PRDM5: variants seen among roughly 807,000 people sequenced by gnomAD.
PRDM5 encodes the protein PR/SET domain 5, also known as PR domain zinc finger protein 5.
A neutral mutation model predicts 81.2 loss-of-function variants in PRDM5; 56 were observed. The observed-to-expected ratio is 0.69, with a 90% confidence interval of 0.56 to 0.86. PRDM5 has a LOEUF of 0.86. PRDM5 is among the 40% of genes least tolerant of loss of function. The probability of loss-of-function intolerance (pLI) is 0.00; values close to 1 mark genes in which losing one functional copy is unlikely to be tolerated. For missense variants in PRDM5, 697 were observed against 770.1 expected (o/e 0.91, Z 1.12); for synonymous variants, 267 against 256.4 (o/e 1.04, Z -0.39).
intron 13 of PRDM5, among the ~76,000 whole-genome samples, chr4:120,758,665 C>G (rs1388827317): frequency 6.6e-6 from 1 of 152,138 alleles, no homozygotes. Context: ...CTTACAGCCT[C>G]CAGAACTGAG....
intron 10 of PRDM5, among the ~76,000 whole-genome samples, chr4:120,796,804 G>A (rs1511307): frequency 0.2 from 30,266 of 152,052 alleles, 3,664 homozygotes; most frequent in Non-Finnish European, 0.28. Flanking sequence ...GAGATAAAAT[G>A]AAGTCTTTGG....
chr4:120,901,866 C>T (rs777157222), intron 2 of PRDM5, among the ~76,000 whole-genome samples: 11 of 152,182 alleles, frequency 7.2e-5, no homozygotes, highest in Non-Finnish European at 1.3e-4. Context: ...CCACTTGCAT[C>T]AGATCACACC....
Position 120,694,844 on chromosome 4 carries a change from C to T in PRDM5, c.*267G>A, listed in dbSNP as rs1734336697. ...GGATGGCCAAGAAAGAGAGCCATGACTCCTTTCTCCATTTTTATAAGACAG... is the reference window on the plus strand; with the variant it reads ...GGATGGCCAAGAAAGAGAGCCATGATTCCTTTCTCCATTTTTATAAGACAG... On this transcript the variant is annotated 3_prime_UTR_variant, in exon 16 of 16. Coordinates refer to ENST00000264808, the MANE Select transcript of PRDM5 (RefSeq NM_018699.4). 2.3e-6 allele frequency: 1 copy of T among 427,162 alleles called. No individual in the cohort carries two copies. Among genetic ancestry groups the T allele is most frequent in the South Asian group, 2.4e-5 (1 of 41,594 alleles). The allele number at this position is 427,162 out of a possible 1,614,324, so 26.5% of individuals were successfully genotyped here.
intron 3 of PRDM5, among the ~76,000 whole-genome samples, chr4:120,830,767 G>A (rs1477429920): frequency 2.6e-5 from 4 of 151,980 alleles, no homozygotes; most frequent in African/African-American, 7.3e-5. Context: ...TGGTTTGCTA[G>A]TCATAGCTTA....
intron 1 of PRDM5, among the ~76,000 whole-genome samples, chr4:120,908,168 A>T (rs1766048639): frequency 6.6e-6 from 1 of 152,230 alleles, no homozygotes. Context: ...TCTTTGTTAA[A>T]ATCAGAATCT....
intron 7 of PRDM5, 36 bp from the exon 8 acceptor site, chr4:120,811,485 G>A: frequency 7.4e-7 from 1 of 1,347,318 alleles, no homozygotes; most frequent in South Asian, 1.2e-5. Flanking sequence ...TGATTTAAAT[G>A]AGACTATTAA....
At chr4:120,811,301 C>T in intron 8 of PRDM5, 69 bp downstream of exon 8, 1 of 1,027,024 alleles carries the variant, frequency 9.7e-7, no homozygotes, top group East Asian at 2.7e-5. Context: ...AACTTTTATA[C>T]TTACTATAAA....
At chr4:120,811,285 C>A in intron 8 of PRDM5, 85 bp downstream of exon 8, 1 of 838,704 alleles carries the variant, frequency 1.2e-6, no homozygotes, top group Non-Finnish European at 1.8e-6. Context: ...ATCAAAATAA[C>A]TTGGTAACTT....
chr4:120,697,321 C>A (rs917874943), intron 15 of PRDM5, among the ~76,000 whole-genome samples: 2 of 152,064 alleles, frequency 1.3e-5, no homozygotes, highest in Non-Finnish European at 2.9e-5. Flanking sequence ...AGAGAGAGAG[C>A]AAGCCTTTGA....
intron 13 of PRDM5, among the ~76,000 whole-genome samples, chr4:120,761,135 C>G (rs190315729): frequency 6.6e-6 from 1 of 152,324 alleles, no homozygotes; most frequent in Admixed American, 6.5e-5. Context: ...CAAATTCTCA[C>G]TGCTGGAACA....
At chr4:120,849,319 T>C (rs927845422) in intron 3 of PRDM5, among the ~76,000 whole-genome samples, 1 of 152,136 alleles carries the variant, frequency 6.6e-6, no homozygotes, top group Non-Finnish European at 1.5e-5. Flanking sequence ...CCAGGATAAA[T>C]TGTTTATGAC....
At chr4:120,889,244 T>A (rs145286292) in intron 2 of PRDM5, among the ~76,000 whole-genome samples, 24 of 152,326 alleles carry the variant, frequency 1.6e-4, no homozygotes, top group Non-Finnish European at 2.5e-4. Flanking sequence ...ATTTTTCATA[T>A]ATGATGTGAA....
At chr4:120,921,203 A>T (rs1424174743) in intron 1 of PRDM5, among the ~76,000 whole-genome samples, 2 of 152,216 alleles carry the variant, frequency 1.3e-5, no homozygotes, top group East Asian at 3.8e-4. Flanking sequence ...TTAAGAATGA[A>T]TTAAAAGGAG....
downstream of PRDM5, among the ~76,000 whole-genome samples, chr4:120,686,991 A>C (rs1392388529): frequency 6.6e-6 from 1 of 152,116 alleles, no homozygotes; most frequent in Admixed American, 6.6e-5. Context: ...AAGAGAGACA[A>C]AACTCAGGAG....
At chr4:120,910,589 T>C (rs1180358692) in intron 1 of PRDM5, among the ~76,000 whole-genome samples, 1 of 152,216 alleles carries the variant, frequency 6.6e-6, no homozygotes, top group Non-Finnish European at 1.5e-5. Flanking sequence ...CTCAGTGGAC[T>C]TCAGATCTGC....
At chr4:120,730,562 T>C (rs1373443584) in intron 14 of PRDM5, among the ~76,000 whole-genome samples, 1 of 152,236 alleles carries the variant, frequency 6.6e-6, no homozygotes, top group Non-Finnish European at 1.5e-5. Context: ...CATAAATTTC[T>C]GTTCCAGAAA....
chr4:120,724,116 C>A (rs1298437380), intron 14 of PRDM5, among the ~76,000 whole-genome samples: 2 of 151,646 alleles, frequency 1.3e-5, no homozygotes, highest in Non-Finnish European at 2.9e-5. Flanking sequence ...GCTTACATAC[C>A]AATTAATTTA....
chr4:120,802,981 A>C (rs965715908), intron 8 of PRDM5, among the ~76,000 whole-genome samples: 1 of 152,176 alleles, frequency 6.6e-6, no homozygotes, highest in South Asian at 2.1e-4. Flanking sequence ...CGAATGGCTA[A>C]CTAGAATAAG....
At chr4:120,878,155 A>G (rs919078197) in intron 2 of PRDM5, among the ~76,000 whole-genome samples, 1 of 152,168 alleles carries the variant, frequency 6.6e-6, no homozygotes, top group Non-Finnish European at 1.5e-5. Flanking sequence ...ATTTCTGTAG[A>G]CTTTCATTTC....
Sources: allele counts gnomAD v4.1 joint callset (sites outside exome capture counted in the v4.1 genomes callset), GRCh38; gene constraint gnomAD v4.1.1; transcripts MANE v1.5; gene names NCBI Gene and HGNC (gene_info 2026-07-23, HGNC 2026-07-21).